ARHGAP10: variants seen among roughly 807,000 people sequenced by gnomAD.
ARHGAP10 encodes rho GTPase-activating protein 10.
ARHGAP10 carries 87 observed loss-of-function variants against 108.6 expected under a neutral mutation model. The observed-to-expected ratio is 0.80, with a 90% CI of 0.67 to 0.96. The LOEUF (loss-of-function observed/expected upper bound fraction) is 0.96, where lower values mean the gene tolerates loss of function less well. Among genes scored for constraint, ARHGAP10 ranks in the 40% least tolerant of loss-of-function variants. The pLI is 0.00. For synonymous variants in ARHGAP10, 347 were observed against 341.1 expected (o/e 1.02, Z -0.19); for missense variants, 939 against 954.5 (o/e 0.98, Z 0.21).
chr4:147,752,120 T>G (rs1729176488), intron 1 of ARHGAP10, among the ~76,000 whole-genome samples: 1 of 152,142 alleles, frequency 6.6e-6, no homozygotes, highest in Non-Finnish European at 1.5e-5. Context: ...CCTAACCTCA[T>G]GATCTGCCTG....
intron 1 of ARHGAP10, among the ~76,000 whole-genome samples, chr4:147,739,358 C>T (rs1728558793): frequency 6.6e-6 from 1 of 152,114 alleles, no homozygotes; most frequent in African/African-American, 2.4e-5. Context: ...GAGGTTCAGG[C>T]AGTCAGCAGC....
chr4:148,068,935 T>C (rs1298212997), intron 22 of ARHGAP10, among the ~76,000 whole-genome samples: 2 of 152,160 alleles, frequency 1.3e-5, no homozygotes, highest in African/African-American at 4.8e-5. Context: ...CTAAAGGCTG[T>C]GAGGACACCG....
intron 19 of ARHGAP10, among the ~76,000 whole-genome samples, chr4:148,035,400 T>C (rs1728333020): frequency 6.6e-6 from 1 of 152,222 alleles, no homozygotes; most frequent in African/African-American, 2.4e-5. Context: ...GTAGTTTTGT[T>C]TCTGTGCTTT....
intron 18 of ARHGAP10, among the ~76,000 whole-genome samples, chr4:147,986,513 A>C (rs1353417796): frequency 1.3e-5 from 2 of 152,150 alleles, no homozygotes; most frequent in Non-Finnish European, 2.9e-5. Context: ...TAATGACAGG[A>C]AAGCAAACTC....
chr4:147,920,909 G>T (rs903010600), intron 13 of ARHGAP10, among the ~76,000 whole-genome samples: 6 of 152,200 alleles, frequency 3.9e-5, no homozygotes, highest in African/African-American at 1.2e-4. Context: ...ACTTGGTTGT[G>T]AAGGAAACAT....
chr4:147,844,875 T>G (rs1415709960), intron 3 of ARHGAP10, among the ~76,000 whole-genome samples: 1 of 152,196 alleles, frequency 6.6e-6, no homozygotes, highest in African/African-American at 2.4e-5. Flanking sequence ...CAGAGTAATC[T>G]TGAAAAGCTC....
intron 13 of ARHGAP10, among the ~76,000 whole-genome samples, chr4:147,915,636 G>A (rs1283971268): frequency 2.6e-5 from 4 of 151,930 alleles, no homozygotes; most frequent in African/African-American, 9.7e-5. Context: ...TGTTGAATAG[G>A]TCTACACATT....
chr4:147,934,727 G>A (rs562796435), intron 13 of ARHGAP10, among the ~76,000 whole-genome samples: 4 of 152,268 alleles, frequency 2.6e-5, no homozygotes, highest in South Asian at 2.1e-4. Context: ...CCAGCTAGTC[G>A]AGGGGCTGAC....
At chr4:147,867,118 T>C (rs1734598840) in intron 7 of ARHGAP10, among the ~76,000 whole-genome samples, 1 of 152,234 alleles carries the variant, frequency 6.6e-6, no homozygotes, top group Non-Finnish European at 1.5e-5. Flanking sequence ...AGCACTCCAC[T>C]TTAAGGCATT....
chr4:147,886,583 T>G (rs980354971), intron 10 of ARHGAP10, among the ~76,000 whole-genome samples: 3 of 152,200 alleles, frequency 2.0e-5, no homozygotes, highest in African/African-American at 7.2e-5. Flanking sequence ...TTTAATACCC[T>G]TCACTCCACT....
intron 3 of ARHGAP10, among the ~76,000 whole-genome samples, chr4:147,825,831 G>A (rs1242863543): frequency 6.6e-6 from 1 of 152,156 alleles, no homozygotes; most frequent in East Asian, 1.9e-4. Context: ...TGAACATTGA[G>A]CGCATACCTA....
intron 18 of ARHGAP10, among the ~76,000 whole-genome samples, chr4:147,976,352 G>A (rs1739594536): frequency 6.6e-6 from 1 of 152,124 alleles, no homozygotes; most frequent in African/African-American, 2.4e-5. Flanking sequence ...AACAACAATA[G>A]CAGCAGCAAT....
At chr4:147,912,548 A>AATATATATATAT (rs59663731) in intron 12 of ARHGAP10, among the ~76,000 whole-genome samples, 7 of 120,330 alleles carry the variant, frequency 5.8e-5, no homozygotes, top group African/African-American at 1.5e-4. Flanking sequence ...CAAACAAACA[A>AATATATATATAT]ATATATATAT....
At chr4:147,996,230 C>T (rs1354534218) in intron 18 of ARHGAP10, among the ~76,000 whole-genome samples, 2 of 152,180 alleles carry the variant, frequency 1.3e-5, no homozygotes, top group Admixed American at 1.3e-4. Context: ...ATGGAAACCT[C>T]TATCATAAAC....
chr4:147,750,746 C>CA (rs1729106826), intron 1 of ARHGAP10, among the ~76,000 whole-genome samples: 1 of 151,576 alleles, frequency 6.6e-6, no homozygotes, highest in African/African-American at 2.4e-5. Flanking sequence ...GGACTACAGT[C>CA]ACGCACCACC....
At chr4:147,775,646 G>A (rs951756659) in intron 1 of ARHGAP10, among the ~76,000 whole-genome samples, 2 of 152,122 alleles carry the variant, frequency 1.3e-5, no homozygotes, top group Admixed American at 6.5e-5. Context: ...TTTTGGCTAC[G>A]CTGACCTGGT....
At chr4:147,882,395 G>A (rs1021698230) in intron 10 of ARHGAP10, among the ~76,000 whole-genome samples, 9 of 151,644 alleles carry the variant, frequency 5.9e-5, no homozygotes, top group African/African-American at 1.9e-4. Context: ...CCCAGGAGGC[G>A]GAGGCTGCAG....
intron 18 of ARHGAP10, among the ~76,000 whole-genome samples, chr4:147,992,531 G>C (rs896802792): frequency 1.3e-5 from 2 of 152,024 alleles, no homozygotes; most frequent in African/African-American, 4.8e-5. Flanking sequence ...TAGCCCTCCT[G>C]AGAGGCTGGG....
intron 13 of ARHGAP10, among the ~76,000 whole-genome samples, chr4:147,926,723 C>T (rs1359616971): frequency 2.6e-5 from 4 of 151,920 alleles, no homozygotes; most frequent in South Asian, 4.2e-4. Context: ...ATAATGGAGA[C>T]ATAAGACAGA....
Sources: allele counts gnomAD v4.1 joint callset (sites outside exome capture counted in the v4.1 genomes callset), GRCh38; gene constraint gnomAD v4.1.1; transcripts MANE v1.5; gene names NCBI Gene and HGNC (gene_info 2026-07-23, HGNC 2026-07-21).